EIF3H: variants seen among roughly 807,000 people sequenced by gnomAD.
EIF3H encodes the protein eIF-3-gamma.
EIF3H carries 26 observed loss-of-function variants against 44.2 expected under a neutral mutation model. The observed-to-expected ratio is 0.59, with a 90% CI of 0.43 to 0.82. EIF3H has a LOEUF of 0.82. EIF3H is among the 40% of genes least tolerant of loss of function. The pLI is 0.00. For synonymous variants in EIF3H, 166 were observed against 151.9 expected (o/e 1.09, Z -0.68); for missense variants, 359 against 432.8 (o/e 0.83, Z 1.51).
rs1476292609 is a variant in EIF3H, at chr8:116,648,723, T to A, written c.828+83A>T. ...CTAACGGTCAATAATTTACCAAAGA[T>A]AATTTAGGTCATTTTGAACATGACT... On this transcript the variant is annotated intron_variant, in intron 6 of 7. Coordinates refer to ENST00000521861, the MANE Select transcript of EIF3H (RefSeq NM_003756.3). 2.8e-6 allele frequency: 4 copies of A among 1,446,780 alleles called. No individual in the cohort carries two copies. The East Asian group carries it at 1.0e-4, about 36-fold the overall frequency. The allele number at this position is 1,446,780 out of a possible 1,614,324, so 89.6% of individuals were successfully genotyped here. A position where few individuals can be genotyped will look rare whatever the true frequency, so the allele number is the denominator to read the frequency against.
intron 1 of EIF3H, among the ~76,000 whole-genome samples, chr8:116,755,192 T>A (rs1400830962): frequency 6.6e-6 from 1 of 152,170 alleles, no homozygotes; most frequent in Non-Finnish European, 1.5e-5. Flanking sequence ...ATTATACGGT[T>A]TCAGATAAAG....
intron 1 of EIF3H, among the ~76,000 whole-genome samples, chr8:116,748,825 T>C (rs1815282790): frequency 6.6e-6 from 1 of 152,246 alleles, no homozygotes; most frequent in African/African-American, 2.4e-5. Context: ...TAGGCACATC[T>C]TCCTATATAT....
intron 2 of EIF3H, among the ~76,000 whole-genome samples, chr8:116,685,610 C>T (rs1248870453): frequency 1.3e-5 from 2 of 151,970 alleles, no homozygotes; most frequent in Non-Finnish European, 2.9e-5. Flanking sequence ...ATTTTTCAAC[C>T]CACCAGTAAA....
chr8:116,645,198 A>G, intron 7 of EIF3H, 95 bp from the exon 8 acceptor site: 1 of 882,030 alleles, frequency 1.1e-6, no homozygotes, highest in Non-Finnish European at 1.8e-6. Context: ...ATAAAACAGA[A>G]TCACCTGTTT....
chr8:116,703,494 G>A (rs1321825814), intron 2 of EIF3H, among the ~76,000 whole-genome samples: 3 of 152,166 alleles, frequency 2.0e-5, no homozygotes, highest in Admixed American at 6.5e-5. Context: ...TCACGCTCCC[G>A]GTCCACTTTC....
At chr8:116,701,690 C>T (rs945176048) in intron 2 of EIF3H, among the ~76,000 whole-genome samples, 27 of 152,112 alleles carry the variant, frequency 1.8e-4, no homozygotes, top group African/African-American at 6.5e-4. Context: ...CATGAGAAAA[C>T]ATCAGATAAG....
Position 116,752,732 on chromosome 8 carries a change from GA to G in EIF3H, c.132+2933del, listed in dbSNP as rs753108369. On this transcript the variant is annotated intron_variant, in intron 1 of 7. Transcript: ENST00000521861. The stretch of plus-strand genomic sequence containing the variant: ...AGAAAGAAAGAAAGAAAGAAAGAAA[GA>G]AGAGAAAGAAAGAAAGAAAGAGGGA... Among the ~76,000 whole-genome samples the G allele has an allele frequency of 1.9e-3, 208 of 109,030 alleles. 6 individuals carry two copies. The highest frequency in any genetic ancestry group is 0.017 in the East Asian group (49 of 2,818). The allele number at this position is 109,030 out of a possible 152,430, so 71.5% of individuals were successfully genotyped here. A position where few individuals can be genotyped will look rare whatever the true frequency, so the allele number is the denominator to read the frequency against.
intron 1 of EIF3H, among the ~76,000 whole-genome samples, chr8:116,741,552 C>T (rs10505288): frequency 0.22 from 33,659 of 152,114 alleles, 4,521 homozygotes; most frequent in African/African-American, 0.38. Context: ...AAAGACAAAG[C>T]TCAAACTATA....
At chr8:116,740,354 G>C (rs1301203111) in intron 1 of EIF3H, among the ~76,000 whole-genome samples, 1 of 152,184 alleles carries the variant, frequency 6.6e-6, no homozygotes, top group African/African-American at 2.4e-5. Context: ...GGCAGTAGTT[G>C]AGAAGAGCAA....
chr8:116,666,759 A>AAAAAAAAAAAAAAAAAAAAAAAAAAC, intron 2 of EIF3H, among the ~76,000 whole-genome samples: 1 of 149,990 alleles, frequency 6.7e-6, no homozygotes, highest in African/African-American at 2.4e-5. Context: ...TAGGCAAAAA[A>AAAAAAAAAAAAAAAAAAAAAAAAAAC]AAAAAAAAAA....
chr8:116,645,086 A>C lies in EIF3H; in HGVS notation c.979T>G (p.Cys327Gly). 5.0e-6 allele frequency: 8 copies of C among 1,614,090 alleles called. No individual in the cohort carries two copies. The highest frequency in any genetic ancestry group is 5.9e-6 in the Non-Finnish European group (7 of 1,179,932). The part of the protein sequence containing the change: ...LLIAGQINTY[C>G]QNIKEFTAQN... ...GCAGTGAACTCCTTGATGTTCTGGC[A>C]GTAAGTGTTTATCTGGCCTGTGCAT... Residue 327 changes from cysteine (C) to glycine (G), a missense_variant, in exon 8 of 8, where the codon TGC becomes GGC. By Grantham distance (159) the Cys-to-Gly change is radical. Around this residue, in one of 5 missense-constraint regions of EIF3H, gnomAD observed 94 missense variants for 96.0 expected, o/e 0.98. Transcript: ENST00000521861.
intron 1 of EIF3H, among the ~76,000 whole-genome samples, chr8:116,742,122 T>G (rs773135179): frequency 6.6e-6 from 1 of 151,958 alleles, no homozygotes; most frequent in Middle Eastern, 3.2e-3. Flanking sequence ...CTGACACACA[T>G]GGGATTAGTT....
At chr8:116,728,212 C>T (rs73701463) in intron 1 of EIF3H, among the ~76,000 whole-genome samples, 4,312 of 152,168 alleles carry the variant, frequency 0.028, 196 homozygotes, top group African/African-American at 0.099. Flanking sequence ...CATTGTATGA[C>T]AGGCAATAAT....
At chr8:116,723,041 G>A (rs993224057) in intron 2 of EIF3H, among the ~76,000 whole-genome samples, 18 of 152,028 alleles carry the variant, frequency 1.2e-4, no homozygotes, top group African/African-American at 3.9e-4. Context: ...ATTTTGTTTC[G>A]TTCGCCTACC....
At chr8:116,645,677 A>G (rs1310843304) in intron 7 of EIF3H, among the ~76,000 whole-genome samples, 1 of 152,252 alleles carries the variant, frequency 6.6e-6, no homozygotes, top group Non-Finnish European at 1.5e-5. Context: ...TCTTCAAAAT[A>G]TAAGGATCTC....
intron 2 of EIF3H, among the ~76,000 whole-genome samples, chr8:116,678,232 T>G (rs1586449452): frequency 6.6e-6 from 1 of 151,768 alleles, no homozygotes; most frequent in African/African-American, 2.4e-5. Context: ...TAACTGCGAG[T>G]GATCCGCCAG....
chr8:116,703,133 TG>T (rs1218077855), intron 2 of EIF3H, among the ~76,000 whole-genome samples: 2 of 152,224 alleles, frequency 1.3e-5, no homozygotes, highest in Admixed American at 1.3e-4. Context: ...TGATTATATA[TG>T]AATACTACTA....
intron 2 of EIF3H, among the ~76,000 whole-genome samples, chr8:116,682,878 TG>T (rs1814014371): frequency 6.6e-6 from 1 of 152,206 alleles, no homozygotes; most frequent in Non-Finnish European, 1.5e-5. Flanking sequence ...TAGAGAACTA[TG>T]CTTAGATGAT....
At chr8:116,744,022 T>C (rs577973452) in intron 1 of EIF3H, among the ~76,000 whole-genome samples, 1 of 151,114 alleles carries the variant, frequency 6.6e-6, no homozygotes, top group Admixed American at 6.6e-5. Context: ...TGAGAAAGAG[T>C]GCAAGAACTG....
Sources: gnomAD v4.1 joint callset for allele counts (sites outside exome capture counted in the v4.1 genomes callset) on GRCh38, gnomAD v4.1.1 for gene constraint, gnomAD v4.1.1 regional missense constraint, MANE v1.5 for transcripts, NCBI Gene and HGNC (gene_info 2026-07-23, HGNC 2026-07-21) for gene names.